The following LONRF3 variants were observed in gnomAD, a reference collection of about 807,000 sequenced individuals.
The protein encoded by LONRF3 is LON peptidase N-terminal domain and ring finger 3.
In LONRF3, 19 loss-of-function variants were observed where a neutral mutation model predicts 51.7. The observed-to-expected ratio is 0.37, with a 90% CI of 0.26 to 0.54. The LOEUF is 0.54. Among genes scored for constraint, LONRF3 ranks in the 20% least tolerant of loss-of-function variants. The pLI is 0.86. For synonymous variants in LONRF3, 265 were observed against 257.8 expected, an observed-to-expected ratio of 1.03 and a Z score of -0.27; for missense variants, 521 against 623.9, an observed-to-expected ratio of 0.84 and a Z score of 1.76.
intron 7 of LONRF3, 42 bp downstream of exon 7, chrX:119,009,289 C>G: frequency 1.8e-6 from 2 of 1,141,474 alleles, no homozygotes; most frequent in African/African-American, 3.6e-5. Flanking sequence ...CTCATACCAG[C>G]TCAATGAGAG....
chrX:118,993,616 C>T (rs1176676590), intron 5 of LONRF3, among the ~76,000 whole-genome samples: 1 of 111,535 alleles, frequency 9.0e-6, no homozygotes, highest in South Asian at 3.8e-4. Flanking sequence ...GGGGAATAAT[C>T]GAGGAAAACT....
rs902477496 is a variant in LONRF3 at position 119,005,561 on chromosome X, T to C, written c.1416-560T>C. ...CTCCTGCCCCTATGAAAATTATCTATATAAAAGGCAGTTATGTTTGTTAGA... is the reference window on the plus strand; with the variant it reads ...CTCCTGCCCCTATGAAAATTATCTACATAAAAGGCAGTTATGTTTGTTAGA... On this transcript the variant is annotated intron_variant, in intron 5 of 10. Transcript: ENST00000371628. 2.7e-5 allele frequency among the ~76,000 whole-genome samples: 3 copies of C among 112,199 alleles called. No individual in the cohort carries two copies. In the Admixed American group the frequency reaches 2.8e-4, roughly 11 times the overall value.
intron 5 of LONRF3, among the ~76,000 whole-genome samples, chrX:118,992,830 T>C (rs1923527307): frequency 9.0e-6 from 1 of 111,439 alleles, no homozygotes; most frequent in African/African-American, 3.3e-5. Flanking sequence ...GACCCATAGA[T>C]GGCTCACATC....
At chrX:118,975,665 C>A in intron 1 of LONRF3, 68 bp downstream of exon 1, 1 of 936,963 alleles carries the variant, frequency 1.1e-6, no homozygotes, top group Non-Finnish European at 1.4e-6. Flanking sequence ...GGAGAACAAA[C>A]CCCGCAGCGA....
chrX:118,998,230 C>T (rs747363223), intron 5 of LONRF3, among the ~76,000 whole-genome samples: 1 of 112,335 alleles, frequency 8.9e-6, no homozygotes, highest in South Asian at 3.7e-4. Flanking sequence ...TGCCCATCAA[C>T]GAGTGGATAA....
chrX:119,011,701 A>C, intron 7 of LONRF3, 114 bp from the exon 8 acceptor site: 1 of 780,882 alleles, frequency 1.3e-6, no homozygotes, highest in South Asian at 2.6e-5. Flanking sequence ...ACTGTCAAAA[A>C]ACAAACTTGG....
chrX:118,995,585 A>G (rs1923808881), intron 5 of LONRF3, among the ~76,000 whole-genome samples: 1 of 112,353 alleles, frequency 8.9e-6, no homozygotes, highest in Admixed American at 9.4e-5. Flanking sequence ...AAATTGATAG[A>G]CCATTAGCAA....
chrX:118,994,334 T>C (rs1466072493), intron 5 of LONRF3, among the ~76,000 whole-genome samples: 1 of 110,860 alleles, frequency 9.0e-6, no homozygotes, highest in African/African-American at 3.3e-5. Flanking sequence ...AGTAAAGGGG[T>C]GAAAAAAAGG....
intron 10 of LONRF3, among the ~76,000 whole-genome samples, chrX:119,015,835 C>G (rs1603257910): frequency 8.9e-6 from 1 of 112,327 alleles, no homozygotes; most frequent in Non-Finnish European, 1.9e-5. Context: ...CCAGTTTGCT[C>G]CAGTCAATGC....
At chrX:119,008,259 C>A (rs1276848979) in intron 6 of LONRF3, among the ~76,000 whole-genome samples, 3 of 112,570 alleles carry the variant, frequency 2.7e-5, no homozygotes, top group Non-Finnish European at 3.7e-5. Flanking sequence ...ACAGCCCATA[C>A]TGAGAAAGGA....
Position 118,998,272 on chromosome X carries a change from C to T in LONRF3, c.1415+7712C>T, listed in dbSNP as rs191464684. ...TCTGGTATATATATACAATTGAATA[C>T]TATGCAGCCATAAAAAGGAATAAGT... On this transcript the variant is annotated intron_variant, in intron 5 of 10. Coordinates refer to ENST00000371628, the MANE Select transcript of LONRF3 (RefSeq NM_001031855.3). Among the ~76,000 whole-genome samples the T allele has an allele frequency of 7.1e-5, 8 of 112,638 alleles. No homozygotes were observed. In the East Asian group the frequency reaches 2.2e-3, roughly 31 times the overall value.
At position 119,012,787 on chromosome X, in the gene LONRF3, A is replaced by G. The variant is rs912983156; in HGVS notation, c.1812-252A>G. 1.2e-5 allele frequency: 9 copies of G among 720,720 alleles called. No individual in the cohort carries two copies. In the African/African-American group the frequency reaches 1.5e-4, roughly 12 times the overall value. The allele number at this position is 720,720 out of a possible 1,213,427, so 59.4% of individuals were successfully genotyped here. On this transcript the variant is annotated intron_variant, in intron 8 of 10. Transcript: ENST00000371628. ...AAAATGGGTTGTAGAGGAGGCAAAC[A>G]TTCAAACCATAGCACTGGCACAGCA... is the stretch of plus-strand genomic sequence containing the variant.
intron 5 of LONRF3, among the ~76,000 whole-genome samples, chrX:118,992,336 G>A (rs530990011): frequency 1.8e-5 from 2 of 111,706 alleles, no homozygotes; most frequent in African/African-American, 3.3e-5. Context: ...GGGAGGGCAC[G>A]GTGGAAGTGA....
At chrX:118,999,250 A>G (rs765361438) in intron 5 of LONRF3, among the ~76,000 whole-genome samples, 1 of 110,487 alleles carries the variant, frequency 9.1e-6, no homozygotes. Flanking sequence ...CAAGCCTCCC[A>G]TGCTGTCAGG....
chrX:119,016,350 C>CTTTT (rs10640705), intron 10 of LONRF3, among the ~76,000 whole-genome samples: 5 of 88,504 alleles, frequency 5.6e-5, no homozygotes, highest in East Asian at 3.3e-4. Flanking sequence ...TTCTTTCTTT[C>CTTTT]TTTTTTTTTT....
At chrX:119,012,833 T>C (rs761518244) in intron 8 of LONRF3, 19 of 1,046,463 alleles carry the variant, frequency 1.8e-5, no homozygotes, top group Non-Finnish European at 1.8e-5. Flanking sequence ...GCTCAATAAA[T>C]GGTAGCAGTT....
chrX:118,989,616 A>G lies in LONRF3; in HGVS notation c.1268A>G (p.His423Arg). 8.3e-7 allele frequency: 1 copy of G among 1,211,257 alleles called. No individual in the cohort carries two copies. The highest frequency in any genetic ancestry group is 1.1e-6 in the Non-Finnish European group (1 of 895,265). The change falls in exon 4 of 11, where the codon CAT (histidine) becomes CGT (arginine). Residue 423 changes from histidine to arginine, a missense_variant. His to Arg is a conservative substitution (Grantham distance 29, BLOSUM62 0). Transcript: ENST00000371628. ...AAATGCCAGGAAAAGAAAAGGAAAC[A>G]TTGCCAGATTGAATCCCAAGAAGAA... ...TGKCQEKKRK[H>R]CQIESQEETG...
intron 3 of LONRF3, among the ~76,000 whole-genome samples, chrX:118,983,377 C>T (rs967937672): frequency 8.9e-6 from 1 of 111,948 alleles, no homozygotes; most frequent in South Asian, 3.7e-4. Context: ...TGACAGCCAG[C>T]CCCTGGGAAG....
At chrX:119,016,691 T>G (rs1925488257) in intron 10 of LONRF3, among the ~76,000 whole-genome samples, 1 of 111,694 alleles carries the variant, frequency 9.0e-6, no homozygotes, top group Non-Finnish European at 1.9e-5. Context: ...AATTGGAATT[T>G]TTGCAAAGTG....
Sources: allele counts gnomAD v4.1 joint callset (sites outside exome capture counted in the v4.1 genomes callset), GRCh38; gene constraint gnomAD v4.1.1; transcripts MANE v1.5; gene names NCBI Gene and HGNC (gene_info 2026-07-23, HGNC 2026-07-21).